RBMS1: variants seen among roughly 807,000 people sequenced by gnomAD.
RBMS1 encodes the protein RNA binding motif single stranded interacting protein 1.
RBMS1 carries 17 observed loss-of-function variants against 62.3 expected under a neutral mutation model. The observed-to-expected ratio is 0.27, with a 90% CI of 0.19 to 0.41. The LOEUF is 0.41. Among genes scored for constraint, RBMS1 ranks in the 10% least tolerant of loss-of-function variants. RBMS1 has a pLI of 1.00. For synonymous variants in RBMS1, 172 were observed against 170.0 expected (o/e 1.01, Z -0.09); for missense variants, 334 against 504.5 (o/e 0.66, Z 3.24).
intron 6 of RBMS1, among the ~76,000 whole-genome samples, chr2:160,288,937 T>G (rs1354740931): frequency 1.3e-5 from 2 of 152,160 alleles, no homozygotes; most frequent in Admixed American, 6.5e-5. Context: ...CAGGTTGGAC[T>G]CATTCTAGAA....
chr2:160,350,201 T>C (rs2106004518), intron 2 of RBMS1, among the ~76,000 whole-genome samples: 2 of 152,030 alleles, frequency 1.3e-5, no homozygotes, highest in Middle Eastern at 6.9e-3. Context: ...GCAGCAGCAC[T>C]CCGAGGACCC....
chr2:160,321,444 A>T (rs942276827), intron 2 of RBMS1, among the ~76,000 whole-genome samples: 14 of 152,156 alleles, frequency 9.2e-5, no homozygotes, highest in African/African-American at 3.4e-4. Context: ...TTTTTAATTA[A>T]TGAATCTCCT....
At chr2:160,391,536 T>C (rs1694864978) in intron 1 of RBMS1, among the ~76,000 whole-genome samples, 1 of 152,144 alleles carries the variant, frequency 6.6e-6, no homozygotes. Flanking sequence ...GTTGTCCTGT[T>C]GACTAGTAAA....
intron 4 of RBMS1, among the ~76,000 whole-genome samples, chr2:160,312,523 T>A (rs1216553820): frequency 6.6e-6 from 1 of 152,158 alleles, no homozygotes; most frequent in Admixed American, 6.5e-5. Flanking sequence ...ACAATATTGC[T>A]CATCTAAAAT....
intron 2 of RBMS1, among the ~76,000 whole-genome samples, chr2:160,348,898 GA>G (rs1692331019): frequency 3.3e-5 from 5 of 152,096 alleles, no homozygotes; most frequent in Admixed American, 3.3e-4. Context: ...TATACTGGAA[GA>G]CAGCCCAGTT....
intron 6 of RBMS1, among the ~76,000 whole-genome samples, chr2:160,291,566 G>A (rs1166170327): frequency 6.6e-6 from 1 of 152,052 alleles, no homozygotes; most frequent in Non-Finnish European, 1.5e-5. Flanking sequence ...TCAACCACTA[G>A]GAAGAGCTAC....
At position 160,420,665 on chromosome 2, in the gene RBMS1, G is replaced by C. The variant is rs544318606; in HGVS notation, c.76-53274C>G. Among the ~76,000 whole-genome samples the C allele has an allele frequency of 2.6e-5, 4 of 152,266 alleles. No individual in the cohort carries two copies. In the South Asian group the frequency reaches 6.2e-4, roughly 24 times the overall value. The stretch of plus-strand genomic sequence containing the variant: ...CCAGTCCAGCTCACCTGAGGATTAT[G>C]ATATATTCCCCTCAGTCACTGTGGC... On this transcript the variant is annotated intron_variant, in intron 1 of 13. Transcript: ENST00000348849.
Position 160,417,152 on chromosome 2 carries a change from C to T in RBMS1, c.76-49761G>A, listed in dbSNP as rs529105772. Among the ~76,000 whole-genome samples the T allele has an allele frequency of 3.9e-5, 6 of 152,226 alleles. No homozygotes were observed. In the South Asian group the frequency reaches 8.3e-4, roughly 21 times the overall value. ...TTTCTTGCGCGTGCACACACACACA[C>T]GCATGCACACACACACAGAAAGGAC... On this transcript the variant is annotated intron_variant, in intron 1 of 13. Transcript: ENST00000348849.
intron 1 of RBMS1, among the ~76,000 whole-genome samples, chr2:160,457,583 A>C (rs79301290): frequency 0.015 from 2,283 of 152,356 alleles, 74 homozygotes; most frequent in African/African-American, 0.052. Context: ...GCTTCAAGAA[A>C]TAGCTACAAT....
At chr2:160,464,935 T>C (rs957937949) in intron 1 of RBMS1, among the ~76,000 whole-genome samples, 2 of 152,232 alleles carry the variant, frequency 1.3e-5, no homozygotes, top group African/African-American at 4.8e-5. Context: ...CCAAGAATAA[T>C]TGCAATGTGC....
At chr2:160,367,609 G>T in intron 1 of RBMS1, 1 of 743,676 alleles carries the variant, frequency 1.3e-6, no homozygotes, top group South Asian at 2.8e-5. Context: ...AGTTCTCTAT[G>T]TGCACCTTAA....
At chr2:160,326,668 A>G (rs1269763842) in intron 2 of RBMS1, among the ~76,000 whole-genome samples, 4 of 152,154 alleles carry the variant, frequency 2.6e-5, no homozygotes, top group African/African-American at 9.7e-5. Context: ...ATTAGCAGAG[A>G]GAGATGCCAC....
In RBMS1 at chr2:160,367,298, C is replaced by A; in HGVS notation, c.169G>T (p.Asp57Tyr). The A allele has an allele frequency of 6.2e-7, 1 of 1,614,004 alleles. No homozygotes were observed. The highest frequency in any genetic ancestry group is 8.5e-7 in the Non-Finnish European group (1 of 1,179,994). The stretch of plus-strand genomic sequence containing the variant: ...TAGAGGTTCGTTTTGCTGAGCTGAT[C>A]CCATCCTGAGTTGCTACTGCTGCTA... The part of the protein sequence containing the change: ...NSSSSSNSGW[D>Y]QLSKTNLYIR... Residue 57 changes from aspartate (D) to tyrosine (Y), a missense_variant, in exon 2 of 14, where the codon GAT (aspartate) becomes TAT (tyrosine). By Grantham distance (160) the Asp-to-Tyr change is radical. Transcript: ENST00000348849.
chr2:160,326,357 A>G (rs1381959938), intron 2 of RBMS1, among the ~76,000 whole-genome samples: 1 of 152,200 alleles, frequency 6.6e-6, no homozygotes, highest in African/African-American at 2.4e-5. Context: ...AAAAATAACT[A>G]AAAATATGAG....
chr2:160,458,722 G>A (rs1285598974), intron 1 of RBMS1, among the ~76,000 whole-genome samples: 4 of 151,966 alleles, frequency 2.6e-5, no homozygotes, highest in South Asian at 2.1e-4. Context: ...ACTTGAACTC[G>A]GGAGGCAGAA....
chr2:160,488,047 C>T (rs1193765994), intron 1 of RBMS1, among the ~76,000 whole-genome samples: 1 of 152,224 alleles, frequency 6.6e-6, no homozygotes, highest in East Asian at 1.9e-4. Flanking sequence ...ATCCTCTCTA[C>T]ACTCTTCTAT....
At chr2:160,286,499 T>C (rs1387252471) in intron 7 of RBMS1, among the ~76,000 whole-genome samples, 1 of 151,968 alleles carries the variant, frequency 6.6e-6, no homozygotes. Flanking sequence ...TTTGTATTTT[T>C]AGTAGAGACG....
Position 160,273,550 on chromosome 2 carries a change from C to T in RBMS1, c.*1222G>A, listed in dbSNP as rs757530188. On this transcript the variant is annotated 3_prime_UTR_variant, in exon 14 of 14. Coordinates refer to ENST00000348849, the MANE Select transcript of RBMS1 (RefSeq NM_016836.4). The stretch of plus-strand genomic sequence containing the variant: ...AGTAGCCAATCGTTTTGCTTCTATT[C>T]GTTATCTCAGCTTATGTTTGAAGAT... 19 of 152,224 alleles carry T rather than the reference C, an allele frequency of 1.2e-4. No individual in the cohort carries two copies. The highest frequency in any genetic ancestry group is 3.4e-3 in the Middle Eastern group (1 of 294). 9.4% of individuals were successfully genotyped at this position (152,224 alleles called of 1,614,324 possible).
At chr2:160,343,158 G>A (rs1202309828) in intron 2 of RBMS1, among the ~76,000 whole-genome samples, 1 of 152,076 alleles carries the variant, frequency 6.6e-6, no homozygotes, top group African/African-American at 2.4e-5. Flanking sequence ...ACCCAAGGAG[G>A]GGCAACTGCA....
Sources: gnomAD v4.1 joint callset for allele counts (sites outside exome capture counted in the v4.1 genomes callset) on GRCh38, gnomAD v4.1.1 for gene constraint, MANE v1.5 for transcripts, NCBI Gene and HGNC (gene_info 2026-07-23, HGNC 2026-07-21) for gene names.